Variants in CAMTA1 observed in about 807,000 individuals in gnomAD.
CAMTA1 encodes the protein calmodulin binding transcription activator 1, also known as calmodulin-binding transcription activator 1.
Under a neutral mutation model 170.9 loss-of-function variants are expected in CAMTA1, and 27 were observed. The ratio of observed to expected loss-of-function variants is 0.16; its 90% CI spans 0.12 to 0.22. The LOEUF is 0.22. CAMTA1 is among the 10% of genes least tolerant of loss of function. The pLI is 1.00. For synonymous variants in CAMTA1, 833 were observed against 891.5 expected (o/e 0.93, Z 1.17); for missense variants, 1,619 against 2,217.2 (o/e 0.73, Z 5.42).
rs775145307 is a variant in CAMTA1, at chr1:7,665,240, C to T, written c.2652+41C>T. ...TGCCACCACCTGTCACCTCCCCTCC[C>T]ACCCACCTCGCCAGCCCCTGCGCCA... On this transcript the variant is annotated intron_variant, in intron 9 of 22. Coordinates refer to ENST00000303635, the MANE Select transcript of CAMTA1 (RefSeq NM_015215.4). The surrounding 1 kb of genome is among the most constrained non-coding windows in gnomAD (Gnocchi z 4.3). 2.1e-4 allele frequency: 293 copies of T among 1,421,166 alleles called. No individual in the cohort carries two copies. The highest frequency in any genetic ancestry group is 2.4e-4 in the Non-Finnish European group (257 of 1,090,196). 88.0% of individuals were successfully genotyped at this position (1,421,166 alleles called of 1,614,324 possible).
intron 3 of CAMTA1, among the ~76,000 whole-genome samples, chr1:6,899,961 T>C (rs1434858735): frequency 2.0e-5 from 3 of 152,262 alleles, no homozygotes; most frequent in Non-Finnish European, 4.4e-5. Context: ...TTTGTTGCTG[T>C]TGGATTGTCA....
intron 3 of CAMTA1, among the ~76,000 whole-genome samples, chr1:6,847,609 G>A (rs1473743399): frequency 6.6e-6 from 1 of 151,746 alleles, no homozygotes; most frequent in African/African-American, 2.4e-5. Flanking sequence ...TGTGATTTCG[G>A]CTGACTGCAA....
Position 7,337,537 on chromosome 1 carries a change from CGTGGGCTGCATCCAATCACAGTGTGGGCA to C in CAMTA1, c.438+87918_438+87946del, listed in dbSNP as rs1557542192. ...GGGCTCATCCAATCACAGTGTGGGC[CGTGGGCTGCATCCAATCACAGTGTGGGCA>C]GTGGGCCTCATCCAATCACAGTGTG... On this transcript the variant is annotated intron_variant, in intron 5 of 22. Transcript: ENST00000303635. Among the ~76,000 whole-genome samples the C allele has an allele frequency of 2.8e-3, 321 of 112,966 alleles. 13 individuals are homozygous for C. Among genetic ancestry groups the C allele is most frequent in the African/African-American group, 6.3e-3 (154 of 24,606 alleles). The allele number at this position is 112,966 out of a possible 152,430, so 74.1% of individuals were successfully genotyped here.
chr1:7,265,995 A>T (rs571384202), intron 5 of CAMTA1, among the ~76,000 whole-genome samples: 21 of 152,344 alleles, frequency 1.4e-4, no homozygotes, highest in Non-Finnish European at 2.9e-4. Context: ...AAGAAAGTGG[A>T]GCTCTCTTCC....
chr1:7,252,975 G>A (rs987183787), intron 5 of CAMTA1, among the ~76,000 whole-genome samples: 4 of 152,146 alleles, frequency 2.6e-5, no homozygotes, highest in African/African-American at 9.7e-5. Context: ...GCACAGGATG[G>A]GGGCAGCTGC....
chr1:7,099,851 A>T (rs1001660422), intron 4 of CAMTA1, among the ~76,000 whole-genome samples: 1 of 152,198 alleles, frequency 6.6e-6, no homozygotes, highest in Admixed American at 6.5e-5. Context: ...GAGAGCTATC[A>T]CTTAATTCTC....
chr1:7,618,683 A>C (rs2095576768), intron 6 of CAMTA1, among the ~76,000 whole-genome samples: 1 of 152,218 alleles, frequency 6.6e-6, no homozygotes, highest in Non-Finnish European at 1.5e-5. Flanking sequence ...TCTCCTTGTC[A>C]GCTCAAGTTG....
At chr1:7,697,404 T>C (rs1445508680) in intron 11 of CAMTA1, among the ~76,000 whole-genome samples, 1 of 152,190 alleles carries the variant, frequency 6.6e-6, no homozygotes, top group African/African-American at 2.4e-5. Flanking sequence ...GTCACACCGC[T>C]GGGGATTCGA....
intron 22 of CAMTA1, among the ~76,000 whole-genome samples, chr1:7,761,135 T>C (rs1305326897): frequency 2.6e-5 from 4 of 152,208 alleles, no homozygotes; most frequent in African/African-American, 9.6e-5. Flanking sequence ...CCCAGAGTGG[T>C]GATTATTCTC....
At chr1:7,136,248 G>A (rs1245263466) in intron 4 of CAMTA1, among the ~76,000 whole-genome samples, 3 of 152,150 alleles carry the variant, frequency 2.0e-5, no homozygotes, top group East Asian at 3.9e-4. Context: ...AAATCAGAAG[G>A]GAATTTCTGC....
rs2096784976 is a variant in CAMTA1, at chr1:7,738,164, C to T, written c.3864C>T (p.Ser1288=). ...SSKQSVPETL[S]PSEGVRDFSR... Reference sequence around the variant, plus strand: ...AGCAGTCTGTCCCCGAGACACTCAGCCCCAGTGAAGGAGTGAGGGACTTCA... The same window carrying T: ...AGCAGTCTGTCCCCGAGACACTCAGTCCCAGTGAAGGAGTGAGGGACTTCA... The change falls in exon 16 of 23, where the codon AGC becomes AGT. Residue 1288 remains serine (S), a synonymous_variant. Transcript: ENST00000303635. The surrounding 1 kb of genome is among the most constrained non-coding windows in gnomAD (Gnocchi z 4.9). The T allele has an allele frequency of 1.9e-6, 3 of 1,613,954 alleles. No homozygotes were observed. In the African/African-American group the frequency reaches 4.0e-5, roughly 22 times the overall value.
At chr1:7,097,011 C>T (rs1452250242) in intron 4 of CAMTA1, among the ~76,000 whole-genome samples, 1 of 152,138 alleles carries the variant, frequency 6.6e-6, no homozygotes, top group African/African-American at 2.4e-5. Context: ...CTTTCTTGTC[C>T]CCCACTTTGG....
At chr1:7,729,814 A>G (rs900421003) in intron 11 of CAMTA1, among the ~76,000 whole-genome samples, 6 of 152,256 alleles carry the variant, frequency 3.9e-5, no homozygotes, top group African/African-American at 1.2e-4. Context: ...TGCAGGAAGC[A>G]TTCTGTGAGT....
In CAMTA1 at chr1:7,604,973, C is replaced by T. The variant is rs146490501; in HGVS notation, c.511-35427C>T. ...CAGACCCTGTTTGCCTGGATATCAG[C>T]AGTGGAGGCCACAGAACAGCGGATA... On this transcript the variant is annotated intron_variant, in intron 6 of 22. Transcript: ENST00000303635. 3.5e-3 allele frequency among the ~76,000 whole-genome samples: 521 copies of T among 150,624 alleles called. 1 individual carries two copies. Among genetic ancestry groups the T allele is most frequent in the African/African-American group, 0.012 (484 of 41,034 alleles).
At chr1:7,376,847 A>G (rs977201294) in intron 5 of CAMTA1, among the ~76,000 whole-genome samples, 1 of 152,144 alleles carries the variant, frequency 6.6e-6, no homozygotes, top group African/African-American at 2.4e-5. Flanking sequence ...GCCCTTGCCT[A>G]TGTGAGCAAA....
At chr1:6,857,362 A>T (rs1662823726) in intron 3 of CAMTA1, among the ~76,000 whole-genome samples, 1 of 152,228 alleles carries the variant, frequency 6.6e-6, no homozygotes, top group South Asian at 2.1e-4. Flanking sequence ...ATGTGATGCC[A>T]TTTTCTGTGT....
At chr1:7,503,867 A>T (rs2149817201) in intron 6 of CAMTA1, among the ~76,000 whole-genome samples, 1 of 152,218 alleles carries the variant, frequency 6.6e-6, no homozygotes, top group Non-Finnish European at 1.5e-5. Context: ...GCCGGCTCTG[A>T]GCCACCTCCG....
chr1:7,392,271 T>TG (rs1402148735), intron 5 of CAMTA1, among the ~76,000 whole-genome samples: 54 of 151,176 alleles, frequency 3.6e-4, no homozygotes, highest in African/African-American at 8.5e-4. Flanking sequence ...TTTTTTTTTT[T>TG]TTTGAGTCAG....
At chr1:7,351,550 C>T (rs2084675186) in intron 5 of CAMTA1, among the ~76,000 whole-genome samples, 1 of 152,242 alleles carries the variant, frequency 6.6e-6, no homozygotes, top group Admixed American at 6.5e-5. Flanking sequence ...AGTGACTGAG[C>T]ACACACAGGT....
Sources: allele counts gnomAD v4.1 joint callset (sites outside exome capture counted in the v4.1 genomes callset), GRCh38; gene constraint gnomAD v4.1.1; non-coding constraint Gnocchi (gnomAD v3.1); transcripts MANE v1.5; gene names NCBI Gene and HGNC (gene_info 2026-07-23, HGNC 2026-07-21).